RSRC1: variants seen among roughly 807,000 people sequenced by gnomAD.
The protein encoded by RSRC1 is arginine and serine rich coiled-coil 1.
Under a neutral mutation model 49.1 loss-of-function variants are expected in RSRC1, and 39 were observed. The ratio of observed to expected loss-of-function variants is 0.79; its 90% confidence interval spans 0.61 to 1.04. RSRC1 has a LOEUF of 1.04. RSRC1 is among the 50% of genes least tolerant of loss of function. RSRC1 has a pLI of 0.00. For missense variants in RSRC1, 388 were observed against 402.4 expected, an observed-to-expected ratio of 0.96 and a Z score of 0.31; for synonymous variants, 143 against 130.8, an observed-to-expected ratio of 1.09 and a Z score of -0.63.
intron 1 of RSRC1, among the ~76,000 whole-genome samples, chr3:158,117,084 T>C (rs746829476): frequency 4.6e-5 from 7 of 152,162 alleles, no homozygotes; most frequent in Non-Finnish European, 8.8e-5. Flanking sequence ...AGATTCTAGG[T>C]TGAGATTCAT....
intron 6 of RSRC1, among the ~76,000 whole-genome samples, chr3:158,413,645 GAAAA>G (rs138249830): frequency 1.3e-5 from 2 of 149,160 alleles, no homozygotes; most frequent in East Asian, 4.0e-4. Flanking sequence ...AATTACAAGA[GAAAA>G]AAAAAGCCCA....
intron 7 of RSRC1, among the ~76,000 whole-genome samples, chr3:158,512,564 G>C (rs62287889): frequency 0.31 from 46,847 of 151,866 alleles, 7,419 homozygotes; most frequent in South Asian, 0.41. Flanking sequence ...CTCTGGCTTT[G>C]TTCTTTTGGC....
At chr3:158,441,840 C>T (rs937172149) in intron 6 of RSRC1, among the ~76,000 whole-genome samples, 2 of 151,992 alleles carry the variant, frequency 1.3e-5, no homozygotes, top group Non-Finnish European at 2.9e-5. Flanking sequence ...ACAGTATGCT[C>T]TAGTGAATAC....
At chr3:158,253,470 A>G (rs1724344388) in intron 4 of RSRC1, among the ~76,000 whole-genome samples, 1 of 152,130 alleles carries the variant, frequency 6.6e-6, no homozygotes, top group Non-Finnish European at 1.5e-5. Flanking sequence ...AAGTTTTTAC[A>G]ACTTGTTTTA....
chr3:158,409,416 A>G (rs1440012221), intron 6 of RSRC1, among the ~76,000 whole-genome samples: 1 of 152,192 alleles, frequency 6.6e-6, no homozygotes. Flanking sequence ...AGAGAGGGAC[A>G]TAATGTTTTG....
At chr3:158,156,031 A>G (rs763779476) in intron 3 of RSRC1, among the ~76,000 whole-genome samples, 25 of 152,144 alleles carry the variant, frequency 1.6e-4, no homozygotes, top group Admixed American at 7.2e-4. Flanking sequence ...CTCTCTACCT[A>G]TAAGACCCAG....
intron 3 of RSRC1, among the ~76,000 whole-genome samples, chr3:158,160,952 T>G (rs920420225): frequency 6.6e-6 from 1 of 152,168 alleles, no homozygotes; most frequent in Non-Finnish European, 1.5e-5. Context: ...CTTATATGGC[T>G]AGAGCTGGGA....
At chr3:158,347,451 G>A (rs1482459072) in intron 5 of RSRC1, among the ~76,000 whole-genome samples, 1 of 152,136 alleles carries the variant, frequency 6.6e-6, no homozygotes, top group African/African-American at 2.4e-5. Context: ...GTAGGTTAAA[G>A]GTTATTTTAT....
At chr3:158,513,416 A>G (rs1223236602) in intron 7 of RSRC1, among the ~76,000 whole-genome samples, 1 of 152,112 alleles carries the variant, frequency 6.6e-6, no homozygotes, top group Non-Finnish European at 1.5e-5. Context: ...GCTGGATTAT[A>G]TTTATTGATT....
intron 7 of RSRC1, among the ~76,000 whole-genome samples, chr3:158,512,290 T>C (rs1740232626): frequency 7.0e-6 from 1 of 143,540 alleles, no homozygotes; most frequent in South Asian, 2.4e-4. Flanking sequence ...TTGATTTTTG[T>C]ATAAGGTGTA....
intron 4 of RSRC1, among the ~76,000 whole-genome samples, chr3:158,257,490 A>G (rs1474047622): frequency 6.6e-6 from 1 of 152,050 alleles, no homozygotes; most frequent in Non-Finnish European, 1.5e-5. Context: ...TTAGCATAGA[A>G]TATCTTTTTT....
chr3:158,195,637 G>T (rs957872440), intron 3 of RSRC1, among the ~76,000 whole-genome samples: 1 of 152,024 alleles, frequency 6.6e-6, no homozygotes, highest in Admixed American at 6.6e-5. Context: ...TTAGGTCTAA[G>T]ATTTAAGTCT....
At chr3:158,444,780 G>A (rs1468545579) in intron 6 of RSRC1, among the ~76,000 whole-genome samples, 1 of 152,016 alleles carries the variant, frequency 6.6e-6, no homozygotes, top group Non-Finnish European at 1.5e-5. Flanking sequence ...CTAATATCCA[G>A]AATCTACAAA....
intron 6 of RSRC1, among the ~76,000 whole-genome samples, chr3:158,364,816 AAATAATAATAATAAT>A (rs59055843): frequency 6.9e-6 from 1 of 144,210 alleles, no homozygotes; most frequent in African/African-American, 2.5e-5. Flanking sequence ...AGAATGGGAA[AAATAATAATAATAAT>A]AATAATAATA....
At chr3:158,505,254 T>A (rs981969629) in intron 7 of RSRC1, among the ~76,000 whole-genome samples, 4 of 152,196 alleles carry the variant, frequency 2.6e-5, no homozygotes, top group Non-Finnish European at 5.9e-5. Flanking sequence ...TCTGTGGGAT[T>A]CATACTGCTT....
chr3:158,323,553 T>A (rs1339186593), intron 5 of RSRC1, among the ~76,000 whole-genome samples: 1 of 152,178 alleles, frequency 6.6e-6, no homozygotes, highest in Non-Finnish European at 1.5e-5. Context: ...AATCTTACCA[T>A]TAAATGTCTA....
At chr3:158,475,907 A>T (rs1413426822) in intron 7 of RSRC1, among the ~76,000 whole-genome samples, 1 of 152,202 alleles carries the variant, frequency 6.6e-6, no homozygotes, top group East Asian at 1.9e-4. Flanking sequence ...AAGGCATGTC[A>T]AAAGTCCAGA....
intron 7 of RSRC1, among the ~76,000 whole-genome samples, chr3:158,480,450 G>A (rs193084112): frequency 1.3e-5 from 2 of 151,866 alleles, no homozygotes; most frequent in African/African-American, 2.4e-5. Context: ...TTGAAAAGCC[G>A]TATTTGAAGG....
intron 6 of RSRC1, among the ~76,000 whole-genome samples, chr3:158,368,297 G>C (rs998615950): frequency 1.3e-5 from 2 of 152,164 alleles, no homozygotes; most frequent in Non-Finnish European, 2.9e-5. Flanking sequence ...ATCATCCCTA[G>C]GCTAAAGCCC....
Sources: allele counts gnomAD v4.1 joint callset (sites outside exome capture counted in the v4.1 genomes callset), GRCh38; gene constraint gnomAD v4.1.1; transcripts MANE v1.5; gene names NCBI Gene and HGNC (gene_info 2026-07-23, HGNC 2026-07-21).